Variants in CNTNAP5 observed in about 807,000 individuals in gnomAD.
The protein encoded by CNTNAP5 is contactin-associated protein-like 5.
A neutral mutation model predicts 150.2 loss-of-function variants in CNTNAP5; 72 were observed. The ratio of observed to expected loss-of-function variants is 0.48; its 90% CI spans 0.40 to 0.58. CNTNAP5 has a LOEUF of 0.58. Ranked by LOEUF, CNTNAP5 falls within the 20% of genes least tolerant of loss-of-function variation. The pLI, the probability that CNTNAP5 is intolerant of heterozygous loss-of-function variation, is 0.00. For synonymous variants in CNTNAP5, 672 were observed against 619.8 expected (o/e 1.08, Z -1.25); for missense variants, 1,636 against 1,626.2 (o/e 1.01, Z -0.10).
chr2:124,491,856 C>A (rs143815826), intron 7 of CNTNAP5, among the ~76,000 whole-genome samples: 7 of 151,818 alleles, frequency 4.6e-5, no homozygotes, highest in African/African-American at 1.7e-4. Context: ...TTTCCCTAAA[C>A]GATTAACAAT....
Position 124,710,390 on chromosome 2 carries a change from T to A in CNTNAP5, c.2078-36839T>A, listed in dbSNP as rs186984137. ...AATAAAACAAGCTTTGGTAGGGAAA[T>A]TCTAGTTTCTCAGATGCTTTTGTAC... On this transcript the variant is annotated intron_variant, in intron 13 of 23. Coordinates refer to ENST00000682447, the MANE Select transcript of CNTNAP5 (RefSeq NM_001367498.1). 3.9e-5 allele frequency among the ~76,000 whole-genome samples: 6 copies of A among 152,280 alleles called. No individual in the cohort carries two copies. In the East Asian group the frequency reaches 1.2e-3, roughly 29 times the overall value.
chr2:124,621,565 A>G (rs1677615130), intron 12 of CNTNAP5, among the ~76,000 whole-genome samples: 1 of 152,206 alleles, frequency 6.6e-6, no homozygotes, highest in Non-Finnish European at 1.5e-5. Context: ...AGGTCTCTCC[A>G]ATATTTCTGC....
At chr2:124,669,888 A>G (rs1678774827) in intron 13 of CNTNAP5, among the ~76,000 whole-genome samples, 1 of 152,130 alleles carries the variant, frequency 6.6e-6, no homozygotes. Flanking sequence ...AAGATGCATC[A>G]CCTGTCTTTT....
intron 1 of CNTNAP5, among the ~76,000 whole-genome samples, chr2:124,204,362 C>T (rs1685809276): frequency 6.6e-6 from 1 of 152,192 alleles, no homozygotes; most frequent in African/African-American, 2.4e-5. Flanking sequence ...CCATTCAATG[C>T]ATCTCTAGGA....
chr2:124,895,566 A>G (rs1678286633), intron 21 of CNTNAP5, among the ~76,000 whole-genome samples: 1 of 151,606 alleles, frequency 6.6e-6, no homozygotes, highest in Admixed American at 6.6e-5. Context: ...ATGAGGCTGC[A>G]GTGAACCATG....
At chr2:124,503,470 G>A (rs959044063) in intron 7 of CNTNAP5, among the ~76,000 whole-genome samples, 1 of 152,058 alleles carries the variant, frequency 6.6e-6, no homozygotes. Flanking sequence ...TTTTTGCTAT[G>A]CAAAGAATAA....
intron 11 of CNTNAP5, among the ~76,000 whole-genome samples, chr2:124,586,081 A>C (rs1266972187): frequency 6.6e-6 from 1 of 152,132 alleles, no homozygotes; most frequent in Admixed American, 6.5e-5. Flanking sequence ...GCCTCAGGCA[A>C]CTTCCTATAG....
At chr2:124,597,512 G>C (rs13019539) in intron 11 of CNTNAP5, among the ~76,000 whole-genome samples, 2 of 149,358 alleles carry the variant, frequency 1.3e-5, no homozygotes, top group Non-Finnish European at 3.0e-5. Context: ...CAAGAGATCC[G>C]CTGTTAGTCT....
chr2:124,834,693 T>TGTGG (rs1211916275), intron 19 of CNTNAP5, among the ~76,000 whole-genome samples: 2 of 152,056 alleles, frequency 1.3e-5, no homozygotes, highest in Admixed American at 6.6e-5. Flanking sequence ...TCAAGTGCAC[T>TGTGG]GTGGCACTGA....
intron 3 of CNTNAP5, among the ~76,000 whole-genome samples, chr2:124,324,206 T>G (rs1467249998): frequency 6.6e-6 from 1 of 152,174 alleles, no homozygotes; most frequent in African/African-American, 2.4e-5. Flanking sequence ...AAAAAGTTCA[T>G]GTATTCTTGG....
chr2:124,598,591 CT>C (rs1696890956), intron 11 of CNTNAP5, among the ~76,000 whole-genome samples: 1 of 150,626 alleles, frequency 6.6e-6, no homozygotes, highest in Admixed American at 6.6e-5. Flanking sequence ...TTACTGCTGT[CT>C]TTTTGTTTGT....
chr2:124,773,903 G>A (rs1446525075), intron 17 of CNTNAP5, among the ~76,000 whole-genome samples: 1 of 107,180 alleles, frequency 9.3e-6, no homozygotes, highest in Non-Finnish European at 1.9e-5. Context: ...TAAACATAAG[G>A]GAGTGCGTGT....
chr2:124,666,282 C>G (rs936029), intron 13 of CNTNAP5, among the ~76,000 whole-genome samples: 5 of 151,902 alleles, frequency 3.3e-5, no homozygotes, highest in Non-Finnish European at 7.4e-5. Context: ...TTTAATTTGC[C>G]ATGGGTTAAA....
intron 1 of CNTNAP5, among the ~76,000 whole-genome samples, chr2:124,210,819 G>A (rs2104724047): frequency 6.6e-6 from 1 of 152,124 alleles, no homozygotes; most frequent in South Asian, 2.1e-4. Context: ...TTCAAAACAT[G>A]AGCTTGGGAG....
At chr2:124,798,919 A>G (rs1449292528) in intron 19 of CNTNAP5, among the ~76,000 whole-genome samples, 2 of 152,150 alleles carry the variant, frequency 1.3e-5, no homozygotes, top group Non-Finnish European at 2.9e-5. Flanking sequence ...ATTTGACAAA[A>G]CTATAGTACT....
At chr2:124,874,181 GT>G (rs1677807466) in intron 21 of CNTNAP5, among the ~76,000 whole-genome samples, 1 of 152,032 alleles carries the variant, frequency 6.6e-6, no homozygotes, top group African/African-American at 2.4e-5. Context: ...ATATTGCAAG[GT>G]TTATTCTTTG....
At chr2:124,450,375 G>T (rs948959411) in intron 6 of CNTNAP5, among the ~76,000 whole-genome samples, 2 of 151,338 alleles carry the variant, frequency 1.3e-5, no homozygotes, top group African/African-American at 4.9e-5. Flanking sequence ...GGTAATAATG[G>T]CAAGAAAAGG....
chr2:124,591,119 A>T (rs59167655), intron 11 of CNTNAP5, among the ~76,000 whole-genome samples: 4,227 of 152,308 alleles, frequency 0.028, 58 homozygotes, highest in Middle Eastern at 0.037. Flanking sequence ...TGAAGAGCAC[A>T]TATCTTTCTG....
intron 3 of CNTNAP5, among the ~76,000 whole-genome samples, chr2:124,304,871 C>T (rs1050229535): frequency 5.3e-5 from 8 of 151,962 alleles, no homozygotes; most frequent in South Asian, 2.1e-4. Context: ...CTTGGGTTCG[C>T]GGAGGGAATG....
Sources: allele counts gnomAD v4.1 joint callset (sites outside exome capture counted in the v4.1 genomes callset), GRCh38; gene constraint gnomAD v4.1.1; transcripts MANE v1.5; gene names NCBI Gene and HGNC (gene_info 2026-07-23, HGNC 2026-07-21).